The following PDE6B variants were observed in gnomAD, a reference collection of about 807,000 sequenced individuals.
The protein encoded by PDE6B is rod cGMP-specific 3',5'-cyclic phosphodiesterase subunit beta.
In PDE6B, 106 loss-of-function variants were observed where a neutral mutation model predicts 109.0. The ratio of observed to expected loss-of-function variants is 0.97; its 90% CI spans 0.83 to 1.14. The LOEUF is 1.14. PDE6B is among the 50% of genes most tolerant of loss of function. The pLI is 0.00. For synonymous variants in PDE6B, 490 were observed against 471.3 expected (o/e 1.04, Z -0.51); for missense variants, 1,193 against 1,155.6 (o/e 1.03, Z -0.47).
At position 654,931 on chromosome 4, in the gene PDE6B, C is replaced by T. The variant is rs367717435; in HGVS notation, c.992+43C>T. On this transcript the variant is annotated intron_variant, in intron 6 of 21. Coordinates refer to ENST00000496514, the MANE Select transcript of PDE6B (RefSeq NM_000283.4). ...CCAGAAGCGTCCCCGGGGGAGGGAC[C>T]GCCCCTCAGACCCCGGCTCAGCCCC... The T allele has an allele frequency of 1.0e-4, 112 of 1,109,736 alleles. 1 individual carries two copies. The highest frequency in any genetic ancestry group is 5.1e-4 in the South Asian group (41 of 81,170). The allele number at this position is 1,109,736 out of a possible 1,614,324, so 68.7% of individuals were successfully genotyped here.
chr4:660,035 G>GTGCC (rs1248461351), intron 11 of PDE6B, among the ~76,000 whole-genome samples: 1 of 152,176 alleles, frequency 6.6e-6, no homozygotes, highest in Middle Eastern at 3.2e-3. Context: ...CTGCACGTGT[G>GTGCC]TGCCTGCATG....
rs1734482707 is a variant in PDE6B at position 633,312 on chromosome 4, T to G, written c.469-1365T>G. On this transcript the variant is annotated intron_variant, in intron 1 of 21. Transcript: ENST00000496514. The surrounding 1 kb of genome is among the most constrained non-coding windows in gnomAD (Gnocchi z 4.5). ...CCCTGCCAGGGCTCACTCACCCGTCTTCCTGCTCCACCATCTTTTAAATGC... is the reference window on the plus strand; with the variant it reads ...CCCTGCCAGGGCTCACTCACCCGTCGTCCTGCTCCACCATCTTTTAAATGC... Among the ~76,000 whole-genome samples the G allele has an allele frequency of 1.3e-5, 2 of 152,224 alleles. No individual in the cohort carries two copies. Among genetic ancestry groups the G allele is most frequent in the African/African-American group, 2.4e-5 (1 of 41,452 alleles).
intron 12 of PDE6B, chr4:661,829 G>C (rs773378224): frequency 2.2e-6 from 1 of 446,988 alleles, no homozygotes; most frequent in Non-Finnish European, 4.2e-6. Flanking sequence ...CATCCCCAGG[G>C]GTCCTCCTCC....
In PDE6B at chr4:663,556, C is replaced by T. The variant is rs1737386581; in HGVS notation, c.1921-214C>T. Among the ~76,000 whole-genome samples, 1 of 152,170 alleles carries T rather than the reference C, an allele frequency of 6.6e-6. No individual in the cohort carries two copies. The highest frequency in any genetic ancestry group is 1.5e-5 in the Non-Finnish European group (1 of 68,016). On this transcript the variant is annotated intron_variant, in intron 15 of 21. Coordinates refer to ENST00000496514, the MANE Select transcript of PDE6B (RefSeq NM_000283.4). This position sits in a 1 kb window ranked among gnomAD's most constrained non-coding sequence, Gnocchi z 4.0. ...GCTCCCCGGTGGTGACCTCTGAGGC[C>T]ATCTGCGTCCCAAGCCGACGATGGA... is the stretch of plus-strand genomic sequence containing the variant.
rs1013353529 is a variant in PDE6B at position 662,889 on chromosome 4, G to A, written c.1833-211G>A. ...ATGGTGGCGCACACCTGTGGTCCCA[G>A]CTACTTAGGAGGCTGAGGTGGGAGG... On this transcript the variant is annotated intron_variant, in intron 14 of 21. Coordinates refer to ENST00000496514, the MANE Select transcript of PDE6B (RefSeq NM_000283.4). This position sits in a 1 kb window ranked among gnomAD's most constrained non-coding sequence, Gnocchi z 4.3. Among the ~76,000 whole-genome samples, 10 of 151,096 alleles carry A rather than the reference G, an allele frequency of 6.6e-5. No homozygotes were observed. Among genetic ancestry groups the A allele is most frequent in the Non-Finnish European group, 1.3e-4 (9 of 67,866 alleles).
At chr4:632,220 A>G (rs1457106859) in intron 1 of PDE6B, among the ~76,000 whole-genome samples, 1 of 151,552 alleles carries the variant, frequency 6.6e-6, no homozygotes, top group East Asian at 2.0e-4. Flanking sequence ...ATGTGAATCC[A>G]TGTGGTATCA....
In PDE6B at chr4:656,976, A is replaced by G. The variant is rs1736342067; in HGVS notation, c.1210A>G (p.Arg404Gly). ...EIVGVATFYN[R>G]KDGKPFDEQD... ...TGTGGGAGTCGCCACATTTTACAAC[A>G]GGAAAGACGGGAAGCCCTTTGACGA... The change falls in exon 9 of 22, where the codon AGG (arginine) becomes GGG (glycine). Residue 404 changes from arginine (R) to glycine (G), a missense_variant. Transcript: ENST00000496514. 9.3e-6 allele frequency: 15 copies of G among 1,613,314 alleles called. No homozygotes were observed. Among genetic ancestry groups the G allele is most frequent in the Non-Finnish European group, 1.3e-5 (15 of 1,179,946 alleles).
Position 648,691 on chromosome 4 carries a change from C to G in PDE6B, c.712-5161C>G, listed in dbSNP as rs560381534. Among the ~76,000 whole-genome samples, 1 of 152,378 alleles carries G rather than the reference C, an allele frequency of 6.6e-6. No individual in the cohort carries two copies. Among genetic ancestry groups the G allele is most frequent in the African/African-American group, 2.4e-5 (1 of 41,596 alleles). On this transcript the variant is annotated intron_variant, in intron 3 of 21. Transcript: ENST00000496514. This position sits in a 1 kb window ranked among gnomAD's most constrained non-coding sequence, Gnocchi z 4.5. ...GCCATGGGTTAGGCCCTACAGAGCTCAGGTTTCTCTCTGACCTGTCACGGC... is the reference window on the plus strand; with the variant it reads ...GCCATGGGTTAGGCCCTACAGAGCTGAGGTTTCTCTCTGACCTGTCACGGC...
intron 6 of PDE6B, 129 bp from the exon 7 acceptor site, chr4:655,811 C>G: frequency 1.3e-6 from 1 of 745,840 alleles, no homozygotes; most frequent in African/African-American, 1.7e-5. Context: ...CCCCTCTGAC[C>G]CCTGCACACA....
chr4:630,738 C>T (rs185692674), intron 1 of PDE6B, among the ~76,000 whole-genome samples: 1 of 152,338 alleles, frequency 6.6e-6, no homozygotes, highest in East Asian at 1.9e-4. Flanking sequence ...GGCCAAGCCC[C>T]AATTCCGGCT....
At chr4:669,983 GGGAA>G in intron 21 of PDE6B, 59 bp from the exon 22 acceptor site, 1 of 1,362,184 alleles carries the variant, frequency 7.3e-7, no homozygotes, top group South Asian at 1.2e-5. Context: ...CCAGGCAGGA[GGGAA>G]GGAATAGGGC....
intron 11 of PDE6B, among the ~76,000 whole-genome samples, chr4:659,505 G>A (rs1736771993): frequency 6.6e-6 from 1 of 151,410 alleles, no homozygotes; most frequent in Non-Finnish European, 1.5e-5. Context: ...GTGTGTACGT[G>A]TGTGTGCATG....
rs114100439 is a variant in PDE6B at position 657,389 on chromosome 4, C to G, written c.1296C>G (p.Thr432=). The G allele has an allele frequency of 1.9e-6, 3 of 1,612,852 alleles. No homozygotes were observed. Among genetic ancestry groups the G allele is most frequent in the Non-Finnish European group, 2.5e-6 (3 of 1,179,532 alleles). The change falls in exon 10 of 22, where the codon ACC becomes ACG. Residue 432 remains threonine (T), a synonymous_variant. Coordinates refer to ENST00000496514, the MANE Select transcript of PDE6B (RefSeq NM_000283.4). The part of the protein sequence containing the change: ...TQFLGWSVMN[T]DTYDKMNKLE... Reference sequence around the variant, plus strand: ...TCCTGGGCTGGTCAGTGATGAACACCGACACCTACGACAAGATGAACAAGC... The same window carrying G: ...TCCTGGGCTGGTCAGTGATGAACACGGACACCTACGACAAGATGAACAAGC...
intron 3 of PDE6B, among the ~76,000 whole-genome samples, chr4:640,270 T>C (rs369852718): frequency 6.6e-6 from 1 of 152,180 alleles, no homozygotes; most frequent in Non-Finnish European, 1.5e-5. Context: ...CCAGGCGTGG[T>C]GGCTCATGTA....
rs1241491466 is a variant in PDE6B at position 664,174 on chromosome 4, C to T, written c.2082C>T (p.Ser694=). ...DESKNYQDKK[S]WVEYLSLETT... ...CCAAGAACTACCAGGACAAGAAGAGCTGGGTGGAGTACCTGTCCCTGGAGA... is the reference window on the plus strand; with the variant it reads ...CCAAGAACTACCAGGACAAGAAGAGTTGGGTGGAGTACCTGTCCCTGGAGA... Residue 694 remains serine, a synonymous_variant, in exon 17 of 22, where the codon AGC becomes AGT. Coordinates refer to ENST00000496514, the MANE Select transcript of PDE6B (RefSeq NM_000283.4). The T allele has an allele frequency of 1.9e-6, 3 of 1,611,944 alleles. No individual in the cohort carries two copies. The highest frequency in any genetic ancestry group is 2.7e-5 in the African/African-American group (2 of 74,898).
Position 664,166 on chromosome 4 carries a change from A to G in PDE6B, c.2074A>G (p.Lys692Glu). 1 of 1,612,864 alleles carries G rather than the reference A, an allele frequency of 6.2e-7. No homozygotes were observed. Among genetic ancestry groups the G allele is most frequent in the Non-Finnish European group, 8.5e-7 (1 of 1,179,092 alleles). ...IVDESKNYQD[K>E]KSWVEYLSLE... ...GGATGAGTCCAAGAACTACCAGGAC[A>G]AGAAGAGCTGGGTGGAGTACCTGTC... is the stretch of plus-strand genomic sequence containing the variant. Residue 692 changes from lysine (K) to glutamate (E), a missense_variant, in exon 17 of 22, where the codon AAG becomes GAG. Physicochemically the swap from Lys to Glu is moderately conservative, Grantham distance 56. Transcript: ENST00000496514.
In PDE6B at chr4:663,868, C is replaced by T. The variant is rs959265084; in HGVS notation, c.2019C>T (p.Phe673=). The change falls in exon 16 of 22, where the codon TTC becomes TTT. Residue 673 remains phenylalanine, a splice_region_variant and synonymous_variant. Transcript: ENST00000496514. The surrounding 1 kb of genome is among the most constrained non-coding windows in gnomAD (Gnocchi z 4.0). ...TCGCCACGGACCTGGCCCTGTACTT[C>T]AAGTGCGCGCCTTCCGGGAGGGGGC... The part of the protein sequence containing the change: ...AIIATDLALY[F]KKRAMFQKIV... The T allele has an allele frequency of 1.4e-5, 22 of 1,603,026 alleles. No homozygotes were observed. Among genetic ancestry groups the T allele is most frequent in the Non-Finnish European group, 1.9e-5 (22 of 1,174,040 alleles).
At position 635,969 on chromosome 4, in the gene PDE6B, G is replaced by A; in HGVS notation, c.711G>A (p.Gln237=). Residue 237 remains glutamine (Q), a splice_region_variant and synonymous_variant, in exon 3 of 22, where the codon CAG becomes CAA. Coordinates refer to ENST00000496514, the MANE Select transcript of PDE6B (RefSeq NM_000283.4). ...YLHNCETRRG[Q]VLLWSANKVF... ...ACAACTGCGAGACGCGCCGCGGCCA[G>A]GTACCCACACGCTGAGCACAGCTCT... The A allele has an allele frequency of 1.3e-6, 2 of 1,583,156 alleles. No homozygotes were observed. The highest frequency in any genetic ancestry group is 2.2e-5 in the South Asian group (2 of 90,428).
In PDE6B at chr4:648,274, G is replaced by T. The variant is rs1437847361; in HGVS notation, c.712-5578G>T. Reference sequence around the variant, plus strand: ...CCTTGTGTCTCCATGTGAGACTTTCGATTTTGCACCAGACATTGCCCAGTC... The same window carrying T: ...CCTTGTGTCTCCATGTGAGACTTTCTATTTTGCACCAGACATTGCCCAGTC... On this transcript the variant is annotated intron_variant, in intron 3 of 21. Coordinates refer to ENST00000496514, the MANE Select transcript of PDE6B (RefSeq NM_000283.4). This position sits in a 1 kb window ranked among gnomAD's most constrained non-coding sequence, Gnocchi z 4.5. 6.6e-6 allele frequency among the ~76,000 whole-genome samples: 1 copy of T among 152,024 alleles called. No individual in the cohort carries two copies. Among genetic ancestry groups the T allele is most frequent in the East Asian group, 1.9e-4 (1 of 5,194 alleles).
Sources: allele counts gnomAD v4.1 joint callset (sites outside exome capture counted in the v4.1 genomes callset), GRCh38; gene constraint gnomAD v4.1.1; non-coding constraint Gnocchi (gnomAD v3.1); transcripts MANE v1.5; gene names NCBI Gene and HGNC (gene_info 2026-07-23, HGNC 2026-07-21).